PLD5: variants seen among roughly 807,000 people sequenced by gnomAD.
The protein encoded by PLD5 is phospholipase D family member 5, also known as inactive phospholipase D5.
PLD5 carries 36 observed loss-of-function variants against 61.1 expected under a neutral mutation model. The observed-to-expected ratio is 0.59, with a 90% CI of 0.45 to 0.78. PLD5 has a LOEUF of 0.78. Among genes scored for constraint, PLD5 ranks in the 30% least tolerant of loss-of-function variants. The pLI is 0.00. For synonymous variants in PLD5, 243 were observed against 242.8 expected (o/e 1.00, Z -0.01); for missense variants, 515 against 644.4 (o/e 0.80, Z 2.17).
chr1:242,525,160 A>G (rs1375420778), upstream of PLD5, among the ~76,000 whole-genome samples: 1 of 152,080 alleles, frequency 6.6e-6, no homozygotes, highest in Non-Finnish European at 1.5e-5. Context: ...TCCCCCCTGA[A>G]AATAGCCGAG....
chr1:242,162,730 TC>T (rs1348360678), intron 5 of PLD5, among the ~76,000 whole-genome samples: 1 of 152,190 alleles, frequency 6.6e-6, no homozygotes, highest in African/African-American at 2.4e-5. Flanking sequence ...GAGAAGTTTT[TC>T]CCTGGCTCAG....
chr1:242,143,119 C>T (rs1048551815), intron 5 of PLD5, among the ~76,000 whole-genome samples: 1 of 151,972 alleles, frequency 6.6e-6, no homozygotes, highest in Non-Finnish European at 1.5e-5. Context: ...CCTCCATCTC[C>T]TAGGTTCAAG....
chr1:242,221,360 G>A (rs994343670), intron 4 of PLD5, among the ~76,000 whole-genome samples: 5 of 152,024 alleles, frequency 3.3e-5, no homozygotes, highest in Admixed American at 1.3e-4. Context: ...TATTATTAAC[G>A]AAGACGATGT....
At chr1:242,374,007 T>A (rs546179919) in intron 1 of PLD5, among the ~76,000 whole-genome samples, 11 of 151,626 alleles carry the variant, frequency 7.3e-5, no homozygotes, top group Non-Finnish European at 1.6e-4. Context: ...AGCACCACAT[T>A]GAGCCACAAA....
At chr1:242,404,016 T>C (rs1028291775) in intron 1 of PLD5, among the ~76,000 whole-genome samples, 7 of 152,152 alleles carry the variant, frequency 4.6e-5, no homozygotes, top group Admixed American at 1.3e-4. Flanking sequence ...AGTTGGTCAA[T>C]CCTATTTCTG....
chr1:242,327,509 TTTG>T (rs1658874183), intron 2 of PLD5, among the ~76,000 whole-genome samples: 1 of 152,222 alleles, frequency 6.6e-6, no homozygotes, highest in African/African-American at 2.4e-5. Flanking sequence ...CTCCTCATTA[TTTG>T]TTAACAGTTT....
At chr1:242,275,448 T>A (rs1317073533) in intron 3 of PLD5, among the ~76,000 whole-genome samples, 8 of 152,198 alleles carry the variant, frequency 5.3e-5, no homozygotes, top group Non-Finnish European at 1.0e-4. Context: ...GATATAAGTA[T>A]GAAGGTTATT....
intron 1 of PLD5, among the ~76,000 whole-genome samples, chr1:242,473,791 T>C (rs1384295563): frequency 3.3e-5 from 5 of 152,134 alleles, no homozygotes; most frequent in African/African-American, 9.7e-5. Context: ...TGGGCTAATA[T>C]GAGCTAGCAT....
chr1:242,475,348 G>A (rs1354858980), intron 1 of PLD5, among the ~76,000 whole-genome samples: 3 of 149,118 alleles, frequency 2.0e-5, no homozygotes, highest in East Asian at 2.0e-4. Context: ...GCGTGAACCC[G>A]GGAAGCGGAG....
chr1:242,245,830 C>G (rs979449657), intron 4 of PLD5, among the ~76,000 whole-genome samples: 1 of 152,232 alleles, frequency 6.6e-6, no homozygotes, highest in South Asian at 2.1e-4. Context: ...TGTGGCTTCT[C>G]ACCAGGTAGA....
intron 1 of PLD5, among the ~76,000 whole-genome samples, chr1:242,468,269 T>C (rs1238062118): frequency 1.3e-5 from 2 of 152,238 alleles, no homozygotes; most frequent in African/African-American, 2.4e-5. Flanking sequence ...AGCTGCTGGA[T>C]AATCTTTCCA....
At chr1:242,423,278 A>G (rs1665244951) in intron 1 of PLD5, among the ~76,000 whole-genome samples, 1 of 152,180 alleles carries the variant, frequency 6.6e-6, no homozygotes, top group African/African-American at 2.4e-5. Context: ...ATAAATGTAA[A>G]TGCATCAGGA....
At chr1:242,215,797 T>G (rs1048768106) in intron 5 of PLD5, among the ~76,000 whole-genome samples, 3 of 152,228 alleles carry the variant, frequency 2.0e-5, no homozygotes, top group African/African-American at 7.2e-5. Context: ...GTCAGAAGAC[T>G]GAGCGAATCC....
chr1:242,415,673 C>T (rs542594391), intron 1 of PLD5, among the ~76,000 whole-genome samples: 12 of 152,008 alleles, frequency 7.9e-5, no homozygotes, highest in South Asian at 2.1e-4. Context: ...CCACCACGCC[C>T]GGCCAAATTT....
chr1:242,235,163 G>T (rs1286046054), intron 4 of PLD5, among the ~76,000 whole-genome samples: 1 of 152,116 alleles, frequency 6.6e-6, no homozygotes, highest in Non-Finnish European at 1.5e-5. Context: ...TTTAGCATTT[G>T]TCTTCCTTGC....
rs1297727505 is a variant in PLD5, at chr1:242,113,913, A to G, written c.1047T>C (p.Pro349=). ...YVYIAVMDYL[P]ISSTSTKRTY... Reference sequence around the variant, plus strand: ...ACCTTTTGGTGCTTGTGCTGGAGATAGGCAGGTAGTCCATGACAGCGATGT... The same window carrying G: ...ACCTTTTGGTGCTTGTGCTGGAGATGGGCAGGTAGTCCATGACAGCGATGT... The change falls in exon 7 of 10, where the codon CCT becomes CCC. Residue 349 remains proline, a synonymous_variant. Coordinates refer to ENST00000536534, the MANE Select transcript of PLD5 (RefSeq NM_001372062.1). 2 of 1,613,482 alleles carry G rather than the reference A, an allele frequency of 1.2e-6. No homozygotes were observed. The highest frequency in any genetic ancestry group is 1.7e-6 in the Non-Finnish European group (2 of 1,179,720).
At chr1:242,338,062 T>C (rs1659628269) in intron 2 of PLD5, among the ~76,000 whole-genome samples, 1 of 152,210 alleles carries the variant, frequency 6.6e-6, no homozygotes, top group South Asian at 2.1e-4. Flanking sequence ...TCTATGGTTT[T>C]GGAAGCTGAG....
intron 2 of PLD5, chr1:242,345,715 A>T (rs2149217349): frequency 1.8e-5 from 13 of 705,442 alleles, no homozygotes; most frequent in South Asian, 1.8e-4. Flanking sequence ...AGCTTGTGGA[A>T]GATCAAATCA....
intron 5 of PLD5, among the ~76,000 whole-genome samples, chr1:242,130,133 C>G (rs976845820): frequency 6.6e-6 from 1 of 151,438 alleles, no homozygotes; most frequent in African/African-American, 2.4e-5. Context: ...CTCACTGCAA[C>G]CTCTGCCTCC....
Sources: allele counts gnomAD v4.1 joint callset (sites outside exome capture counted in the v4.1 genomes callset), GRCh38; gene constraint gnomAD v4.1.1; transcripts MANE v1.5; gene names NCBI Gene and HGNC (gene_info 2026-07-23, HGNC 2026-07-21).